The following GSK3A variants were observed in gnomAD, a reference collection of about 807,000 sequenced individuals.
The protein encoded by GSK3A is glycogen synthase kinase-3 alpha.
A neutral mutation model predicts 56.6 loss-of-function variants in GSK3A; 14 were observed. The observed-to-expected ratio is 0.25, with a 90% CI of 0.16 to 0.39. The LOEUF (loss-of-function observed/expected upper bound fraction) is 0.39. Among genes scored for constraint, GSK3A ranks in the 10% least tolerant of loss-of-function variants. The pLI, the probability that GSK3A is intolerant of heterozygous loss-of-function variation, is 1.00. For synonymous variants in GSK3A, 301 were observed against 285.0 expected (o/e 1.06, Z -0.56); for missense variants, 450 against 656.0 (o/e 0.69, Z 3.43).
Position 42,236,932 on chromosome 19 carries a change from G to A in GSK3A, c.481C>T (p.Leu161=). 1 of 1,610,676 alleles carries A rather than the reference G, an allele frequency of 6.2e-7. No individual in the cohort carries two copies. Among genetic ancestry groups the A allele is most frequent in the Non-Finnish European group, 8.5e-7 (1 of 1,176,890 alleles). Residue 161 remains leucine (L), a synonymous_variant, in exon 3 of 11, where the codon CTG becomes TTG. Transcript: ENST00000222330. ...LQDKRFKNRE[L]QIMRKLDHCN... ...TGGTCCAGCTTACGCATGATCTGCA[G>A]CTCTCGGTTCTTGAGGGCAAAGGGA...
Position 42,242,561 on chromosome 19 carries a change from C to A in GSK3A, c.-96G>T. The A allele has an allele frequency of 1.1e-6, 1 of 941,416 alleles. No individual in the cohort carries two copies. Among genetic ancestry groups the A allele is most frequent in the Non-Finnish European group, 1.3e-6 (1 of 763,202 alleles). The allele number at this position is 941,416 out of a possible 1,614,324, so 58.3% of individuals were successfully genotyped here. A position where few individuals can be genotyped will look rare whatever the true frequency, so the allele number is the denominator to read the frequency against. Reference sequence around the variant, plus strand: ...GCCTCCCCCGGGCCCTGGCCTCTTCCAGGCCGCGCCGCTCTGGCTTGGGCT... The same window carrying A: ...GCCTCCCCCGGGCCCTGGCCTCTTCAAGGCCGCGCCGCTCTGGCTTGGGCT... On this transcript the variant is annotated 5_prime_UTR_variant, in exon 1 of 11. Coordinates refer to ENST00000222330, the MANE Select transcript of GSK3A (RefSeq NM_019884.3).
chr19:42,242,489 G>A lies in GSK3A; in HGVS notation c.-24C>T. 1 of 1,133,448 alleles carries A rather than the reference G, an allele frequency of 8.8e-7. No homozygotes were observed. Among genetic ancestry groups the A allele is most frequent in the South Asian group, 4.2e-5 (1 of 24,048 alleles). The allele number at this position is 1,133,448 out of a possible 1,614,324, so 70.2% of individuals were successfully genotyped here. A position where few individuals can be genotyped will look rare whatever the true frequency, so the allele number is the denominator to read the frequency against. ...ATGGCGCCGAGCACAGGCCCAGGCTGCGGGGCTCGGGCTGCCCGGGCTGCC... is the reference window on the plus strand; with the variant it reads ...ATGGCGCCGAGCACAGGCCCAGGCTACGGGGCTCGGGCTGCCCGGGCTGCC... On this transcript the variant is annotated 5_prime_UTR_variant, in exon 1 of 11. Coordinates refer to ENST00000222330, the MANE Select transcript of GSK3A (RefSeq NM_019884.3).
At chr19:42,237,867 T>C (rs2036267625) in intron 2 of GSK3A, among the ~76,000 whole-genome samples, 1 of 151,348 alleles carries the variant, frequency 6.6e-6, no homozygotes, top group African/African-American at 2.4e-5. Flanking sequence ...CGACAGACTC[T>C]GTCTCAAAAA....
At chr19:42,235,062 G>A (rs1015521124) in intron 4 of GSK3A, among the ~76,000 whole-genome samples, 2 of 152,078 alleles carry the variant, frequency 1.3e-5, no homozygotes, top group East Asian at 3.8e-4. Context: ...AGGAGGCGGA[G>A]GTTGCAGTGA....
chr19:42,242,143 A>C (rs1268329592), intron 1 of GSK3A, 40 bp downstream of exon 1: 1 of 1,308,684 alleles, frequency 7.6e-7, no homozygotes, highest in Non-Finnish European at 9.7e-7. Context: ...AGCTTTGGGA[A>C]CCCTAATCAC....
chr19:42,242,132 G>T (rs1054814172), intron 1 of GSK3A, 51 bp downstream of exon 1: 40 of 1,285,558 alleles, frequency 3.1e-5, no homozygotes, highest in Non-Finnish European at 3.7e-5. Flanking sequence ...GATGTCTGAG[G>T]AGCTTTGGGA....
chr19:42,238,884 G>A (rs955895710), intron 2 of GSK3A, among the ~76,000 whole-genome samples: 7 of 151,782 alleles, frequency 4.6e-5, no homozygotes, highest in Admixed American at 4.6e-4. Context: ...CACAAGAATC[G>A]CTTGAACCTG....
intron 7 of GSK3A, 25 bp downstream of exon 7, chr19:42,233,261 T>TG: frequency 1.7e-6 from 1 of 597,948 alleles, no homozygotes; most frequent in Non-Finnish European, 2.7e-6. Flanking sequence ...CCCCACCCCC[T>TG]GCCCAGCCCA....
In GSK3A at chr19:42,233,371, G is replaced by C; in HGVS notation, c.917C>G (p.Ala306Gly). The C allele has an allele frequency of 1.9e-6, 3 of 1,576,206 alleles. No individual in the cohort carries two copies. Among genetic ancestry groups the C allele is most frequent in the East Asian group, 2.3e-5 (1 of 43,070 alleles). Residue 306 changes from alanine to glycine, a missense_variant, in exon 7 of 11, where the codon GCT becomes GGT. Around this residue, in one of 3 missense-constraint regions of GSK3A, gnomAD observed 144 missense variants for 308.0 expected, o/e 0.47. Coordinates refer to ENST00000222330, the MANE Select transcript of GSK3A (RefSeq NM_019884.3). Reference sequence around the variant, plus strand: ...GAGGAGCTCTGCCAGTACACAGCCAGCTGACCAAACATCTGAGGGGAAATG... The same window carrying C: ...GAGGAGCTCTGCCAGTACACAGCCACCTGACCAAACATCTGAGGGGAAATG... Reference protein sequence around the residue: ...DYTSSIDVWSAGCVLAELLLG... With the variant: ...DYTSSIDVWSGGCVLAELLLG...
intron 1 of GSK3A, 122 bp from the exon 2 acceptor site, chr19:42,240,264 C>A: frequency 1.2e-6 from 1 of 854,564 alleles, no homozygotes; most frequent in South Asian, 1.4e-5. Flanking sequence ...TTTGTCCCCT[C>A]CTCCTCTTTG....
chr19:42,232,408 C>A, intron 9 of GSK3A, 88 bp downstream of exon 9: 1 of 1,260,260 alleles, frequency 7.9e-7, no homozygotes, highest in East Asian at 2.5e-5. Context: ...CCTTAGCTCC[C>A]CACTCCTGCT....
Position 42,242,586 on chromosome 19 carries a change from T to A in GSK3A, c.-121A>T. On this transcript the variant is annotated 5_prime_UTR_variant, in exon 1 of 11. Transcript: ENST00000222330. ...CAGGCCGCGCCGCTCTGGCTTGGGCTCCGGCTCCGGCCCAGCGCCCGCCGC... is the reference window on the plus strand; with the variant it reads ...CAGGCCGCGCCGCTCTGGCTTGGGCACCGGCTCCGGCCCAGCGCCCGCCGC... 1.2e-6 allele frequency: 1 copy of A among 843,192 alleles called. No individual in the cohort carries two copies. The highest frequency in any genetic ancestry group is 1.6e-6 in the Non-Finnish European group (1 of 642,600). 52.2% of individuals were successfully genotyped at this position (843,192 alleles called of 1,614,324 possible).
At chr19:42,231,839 T>C (rs2036226010) in intron 10 of GSK3A, among the ~76,000 whole-genome samples, 1 of 152,234 alleles carries the variant, frequency 6.6e-6, no homozygotes, top group Non-Finnish European at 1.5e-5. Context: ...CCAGACGTTA[T>C]TTCTCTGGCT....
intron 8 of GSK3A, 86 bp from the exon 9 acceptor site, chr19:42,232,768 CA>C: frequency 3.5e-6 from 4 of 1,148,954 alleles, no homozygotes; most frequent in Non-Finnish European, 4.9e-6. Context: ...GTGCCTGCGG[CA>C]AGTTATGACT....
At position 42,236,909 on chromosome 19, in the gene GSK3A, G is replaced by A; in HGVS notation, c.504C>T (p.Asp168=). ...NRELQIMRKL[D]HCNIVRLRYF... ...ATCTCAGCCTCACAATATTGCAGTGGTCCAGCTTACGCATGATCTGCAGCT... is the reference window on the plus strand; with the variant it reads ...ATCTCAGCCTCACAATATTGCAGTGATCCAGCTTACGCATGATCTGCAGCT... The change falls in exon 3 of 11, where the codon GAC becomes GAT. Residue 168 remains aspartate, a synonymous_variant. Coordinates refer to ENST00000222330, the MANE Select transcript of GSK3A (RefSeq NM_019884.3). 1 of 1,613,000 alleles carries A rather than the reference G, an allele frequency of 6.2e-7. No homozygotes were observed. The highest frequency in any genetic ancestry group is 8.5e-7 in the Non-Finnish European group (1 of 1,179,102).
intron 4 of GSK3A, among the ~76,000 whole-genome samples, chr19:42,235,906 C>T (rs2036254103): frequency 6.6e-6 from 1 of 152,190 alleles, no homozygotes. Flanking sequence ...ACAGCCACAA[C>T]CACTGGTAGA....
intron 8 of GSK3A, 134 bp downstream of exon 8, chr19:42,232,975 TG>T (rs2036233807): frequency 1.5e-5 from 10 of 672,566 alleles, no homozygotes; most frequent in Admixed American, 7.9e-5. Context: ...TGAAAGCGGA[TG>T]GATGTTATTG....
chr19:42,231,028 T>C (rs1269506451), intron 10 of GSK3A, among the ~76,000 whole-genome samples, 161 bp from the exon 11 acceptor site: 1 of 152,222 alleles, frequency 6.6e-6, no homozygotes, highest in African/African-American at 2.4e-5. Context: ...AGGGCCACGA[T>C]AGTAACTGAG....
Position 42,232,042 on chromosome 19 carries a change from A to G in GSK3A, c.1378+15T>C. The stretch of plus-strand genomic sequence containing the variant: ...TGAGAGATACTTTAACCCCCAGCAG[A>G]TGGTCCCCACTTACCTTGTGAGGAC... On this transcript the variant is annotated intron_variant, in intron 10 of 10. Transcript: ENST00000222330. 1 of 1,499,598 alleles carries G rather than the reference A, an allele frequency of 6.7e-7. No homozygotes were observed. The highest frequency in any genetic ancestry group is 9.3e-7 in the Non-Finnish European group (1 of 1,079,472). 92.9% of individuals were successfully genotyped at this position (1,499,598 alleles called of 1,614,324 possible).
Sources: gnomAD v4.1 joint callset for allele counts (sites outside exome capture counted in the v4.1 genomes callset) on GRCh38, gnomAD v4.1.1 for gene constraint, gnomAD v4.1.1 regional missense constraint, MANE v1.5 for transcripts, NCBI Gene and HGNC (gene_info 2026-07-23, HGNC 2026-07-21) for gene names.